The following QTRT2 variants were observed in gnomAD, a reference collection of about 807,000 sequenced individuals.
The protein encoded by QTRT2 is queuine tRNA-ribosyltransferase domain containing 1.
A neutral mutation model predicts 44.8 loss-of-function variants in QTRT2; 32 were observed. The observed-to-expected ratio is 0.71, with a 90% CI of 0.54 to 0.96. QTRT2 has a LOEUF of 0.96. QTRT2 is among the 40% of genes least tolerant of loss of function. The pLI, the probability that QTRT2 is intolerant of heterozygous loss-of-function variation, is 0.00. For missense variants in QTRT2, 461 were observed against 503.1 expected (o/e 0.92, Z 0.80); for synonymous variants, 182 against 187.4 (o/e 0.97, Z 0.24).
At chr3:114,069,174 C>A (rs538265368) in intron 5 of QTRT2, among the ~76,000 whole-genome samples, 1 of 152,168 alleles carries the variant, frequency 6.6e-6, no homozygotes, top group Admixed American at 6.5e-5. Flanking sequence ...GTTGGCCTGC[C>A]ATCTATGTCC....
intron 5 of QTRT2, 177 bp downstream of exon 5, chr3:114,068,240 A>G: frequency 1.8e-6 from 1 of 561,326 alleles, no homozygotes; most frequent in Non-Finnish European, 3.2e-6. Flanking sequence ...CTGCCTAAGG[A>G]TGAGGTTAAG....
rs2107812487 is a variant in QTRT2 at position 114,088,222 on chromosome 3, C to T, written c.*2318C>T. 1 of 152,286 alleles carries T rather than the reference C, an allele frequency of 6.6e-6. No individual in the cohort carries two copies. The highest frequency in any genetic ancestry group is 2.4e-5 in the African/African-American group (1 of 41,574). The allele number at this position is 152,286 out of a possible 1,614,324, so 9.4% of individuals were successfully genotyped here. On this transcript the variant is annotated 3_prime_UTR_variant, in exon 10 of 10. Coordinates refer to ENST00000281273, the MANE Select transcript of QTRT2 (RefSeq NM_024638.4). ...TTATTTATGTCTAAAACACTGAAAACTGTGTCCAATATCGTTCAGTTTCCT... is the reference window on the plus strand; with the variant it reads ...TTATTTATGTCTAAAACACTGAAAATTGTGTCCAATATCGTTCAGTTTCCT...
At chr3:114,061,709 C>G (rs2076888618) in intron 2 of QTRT2, among the ~76,000 whole-genome samples, 1 of 152,170 alleles carries the variant, frequency 6.6e-6, no homozygotes, top group Admixed American at 6.5e-5. Context: ...TCCCAAGTAG[C>G]TAGGACTACA....
chr3:114,063,106 T>A (rs2076909973), intron 2 of QTRT2, among the ~76,000 whole-genome samples: 1 of 152,242 alleles, frequency 6.6e-6, no homozygotes, highest in Non-Finnish European at 1.5e-5. Context: ...TTAATTTTCA[T>A]TAGTTCTTAT....
chr3:114,066,131 G>A, intron 3 of QTRT2, 97 bp from the exon 4 acceptor site: 1 of 817,430 alleles, frequency 1.2e-6, no homozygotes, highest in South Asian at 1.6e-5. Context: ...TTACCATGAT[G>A]TAACTTATTT....
chr3:114,083,259 T>C (rs1047963708), intron 9 of QTRT2, among the ~76,000 whole-genome samples: 1 of 151,818 alleles, frequency 6.6e-6, no homozygotes, highest in Non-Finnish European at 1.5e-5. Flanking sequence ...GTGTTTCAGA[T>C]TTCTTTTCTT....
At position 114,058,053 on chromosome 3, in the gene QTRT2, G is replaced by A. The variant is rs1223392513; in HGVS notation, c.-22+947G>A. ...CACTTACCAGCTGGGGATTTTATCA[G>A]CCTCAGTTTATCATACATAAAATGC... On this transcript the variant is annotated intron_variant, in intron 2 of 9. Transcript: ENST00000281273. Among the ~76,000 whole-genome samples the A allele has an allele frequency of 2.0e-5, 3 of 152,302 alleles. No homozygotes were observed. The East Asian group carries it at 5.8e-4, about 29-fold the overall frequency.
chr3:114,074,605 A>C (rs1241676162), intron 6 of QTRT2, among the ~76,000 whole-genome samples: 2 of 152,176 alleles, frequency 1.3e-5, no homozygotes, highest in Non-Finnish European at 2.9e-5. Flanking sequence ...TTCTAGAGGA[A>C]TAGTCTGATT....
At chr3:114,057,746 TATA>T (rs2076821032) in intron 2 of QTRT2, among the ~76,000 whole-genome samples, 1 of 152,348 alleles carries the variant, frequency 6.6e-6, no homozygotes, top group South Asian at 2.1e-4. Flanking sequence ...TATATTATAG[TATA>T]ATATGTTTCC....
chr3:114,078,330 G>A (rs1432959669), intron 7 of QTRT2: 2 of 152,186 alleles, frequency 1.3e-5, no homozygotes, highest in Non-Finnish European at 2.9e-5. Context: ...GTGTAGAAAT[G>A]CCAGCTTCAG....
chr3:114,062,058 T>G (rs1364895855), intron 2 of QTRT2, among the ~76,000 whole-genome samples: 1 of 150,196 alleles, frequency 6.7e-6, no homozygotes, highest in East Asian at 2.0e-4. Context: ...GCATGTTAAA[T>G]TTACTCTCAC....
rs2077257648 is a variant in QTRT2 at position 114,087,886 on chromosome 3, C to G, written c.*1982C>G. 1 of 152,182 alleles carries G rather than the reference C, an allele frequency of 6.6e-6. No individual in the cohort carries two copies. The highest frequency in any genetic ancestry group is 1.5e-5 in the Non-Finnish European group (1 of 68,046). The allele number at this position is 152,182 out of a possible 1,614,324, so 9.4% of individuals were successfully genotyped here. Reference sequence around the variant, plus strand: ...TGTGCTCCAAACACCTCCCACCAGGCCCCACCTCCAGTATTGGGGATTACA... The same window carrying G: ...TGTGCTCCAAACACCTCCCACCAGGGCCCACCTCCAGTATTGGGGATTACA... On this transcript the variant is annotated 3_prime_UTR_variant, in exon 10 of 10. Transcript: ENST00000281273.
At chr3:114,085,595 C>A in intron 9 of QTRT2, 78 bp from the exon 10 acceptor site, 1 of 1,209,682 alleles carries the variant, frequency 8.3e-7, no homozygotes, top group Non-Finnish European at 1.2e-6. Context: ...GGTAACTTTA[C>A]CAGCAGAATA....
At chr3:114,069,666 T>C (rs1337067316) in intron 5 of QTRT2, among the ~76,000 whole-genome samples, 1 of 152,216 alleles carries the variant, frequency 6.6e-6, no homozygotes, top group African/African-American at 2.4e-5. Flanking sequence ...TTAGGTTGAT[T>C]GCATGTCTTT....
chr3:114,067,338 T>TC (rs1372065688), intron 4 of QTRT2, among the ~76,000 whole-genome samples: 2 of 152,256 alleles, frequency 1.3e-5, no homozygotes, highest in African/African-American at 4.8e-5. Flanking sequence ...TGCTTTTTTT[T>TC]CACTGGAATC....
chr3:114,081,590 A>T (rs1050730906), intron 8 of QTRT2, among the ~76,000 whole-genome samples: 1 of 152,106 alleles, frequency 6.6e-6, no homozygotes, highest in East Asian at 1.9e-4. Flanking sequence ...GGTGCATGCC[A>T]CCATGCTGGG....
At chr3:114,064,082 G>A (rs887933333) in intron 2 of QTRT2, among the ~76,000 whole-genome samples, 1 of 152,014 alleles carries the variant, frequency 6.6e-6, no homozygotes, top group Non-Finnish European at 1.5e-5. Context: ...GGGCATGGCG[G>A]CACACACCTG....
At position 114,056,779 on chromosome 3, in the gene QTRT2, G is replaced by T; in HGVS notation, c.-215G>T. 1 of 1,509,050 alleles carries T rather than the reference G, an allele frequency of 6.6e-7. No individual in the cohort carries two copies. Among genetic ancestry groups the T allele is most frequent in the Non-Finnish European group, 8.9e-7 (1 of 1,127,998 alleles). The allele number at this position is 1,509,050 out of a possible 1,614,324, so 93.5% of individuals were successfully genotyped here. ...TCTGCACTGGAGGCAGTGATTTTGGGGCAGAGAATTTTGCAACACGTGGTA... is the reference window on the plus strand; with the variant it reads ...TCTGCACTGGAGGCAGTGATTTTGGTGCAGAGAATTTTGCAACACGTGGTA... On this transcript the variant is annotated 5_prime_UTR_variant, in exon 1 of 10. Coordinates refer to ENST00000281273, the MANE Select transcript of QTRT2 (RefSeq NM_024638.4).
At position 114,056,737 on chromosome 3, in the gene QTRT2, A is replaced by G; in HGVS notation, c.-257A>G. On this transcript the variant is annotated 5_prime_UTR_variant, in exon 1 of 10. Coordinates refer to ENST00000281273, the MANE Select transcript of QTRT2 (RefSeq NM_024638.4). ...TTTTTCTGGCGCCCAGTGATGACGC[A>G]GTACTCCCTGATTGGCTCTGCACTG... The G allele has an allele frequency of 7.2e-7, 1 of 1,388,344 alleles. No homozygotes were observed. The highest frequency in any genetic ancestry group is 9.7e-7 in the Non-Finnish European group (1 of 1,030,754). 86.0% of individuals were successfully genotyped at this position (1,388,344 alleles called of 1,614,324 possible). A position where few individuals can be genotyped will look rare whatever the true frequency, so the allele number is the denominator to read the frequency against.
Sources: allele counts gnomAD v4.1 joint callset (sites outside exome capture counted in the v4.1 genomes callset), GRCh38; gene constraint gnomAD v4.1.1; transcripts MANE v1.5; gene names NCBI Gene and HGNC (gene_info 2026-07-23, HGNC 2026-07-21).